Variants in WWOX observed in about 807,000 individuals in gnomAD.
The protein encoded by WWOX is WW domain-containing oxidoreductase.
A neutral mutation model predicts 46.2 loss-of-function variants in WWOX; 69 were observed. That is an observed-to-expected ratio of 1.49 (90% confidence interval 1.23 to 1.82). The LOEUF is 1.82. WWOX is among the 40% of genes most tolerant of loss of function. WWOX has a pLI of 0.00. For synonymous variants in WWOX, 359 were observed against 202.6 expected (o/e 1.77, Z -6.56); for missense variants, 919 against 542.6 (o/e 1.69, Z -6.89).
intron 8 of WWOX, among the ~76,000 whole-genome samples, chr16:78,966,808 C>T (rs1485369464): frequency 4.6e-5 from 7 of 152,064 alleles, no homozygotes; most frequent in Admixed American, 4.6e-4. Context: ...TCTACTTTGG[C>T]AGAATTACCT....
chr16:79,050,690 T>A (rs2048150063), intron 8 of WWOX, among the ~76,000 whole-genome samples: 1 of 152,024 alleles, frequency 6.6e-6, no homozygotes, highest in Non-Finnish European at 1.5e-5. Flanking sequence ...CCGTTACAAT[T>A]GAAAAAATCA....
chr16:78,402,095 C>A (rs189712288), intron 6 of WWOX, among the ~76,000 whole-genome samples: 3 of 152,204 alleles, frequency 2.0e-5, no homozygotes, highest in Non-Finnish European at 4.4e-5. Context: ...ACAATTTCAT[C>A]ACTCCAAAAA....
At chr16:78,729,902 C>G (rs569339375) in intron 8 of WWOX, among the ~76,000 whole-genome samples, 2 of 152,128 alleles carry the variant, frequency 1.3e-5, no homozygotes, top group Non-Finnish European at 1.5e-5. Flanking sequence ...TAGATTTAAA[C>G]AAGACTATGA....
At chr16:78,848,835 C>G (rs1249623775) in intron 8 of WWOX, among the ~76,000 whole-genome samples, 1 of 151,244 alleles carries the variant, frequency 6.6e-6, no homozygotes, top group African/African-American at 2.4e-5. Context: ...TTTTTTTAAC[C>G]TCCTCTGAGA....
At chr16:78,419,055 A>G (rs2082864598) in intron 6 of WWOX, among the ~76,000 whole-genome samples, 2 of 152,224 alleles carry the variant, frequency 1.3e-5, no homozygotes. Flanking sequence ...AAAATCCTAG[A>G]AAGGTACTTA....
At position 79,211,701 on chromosome 16, in the gene WWOX, C is replaced by A; in HGVS notation, c.1150C>A (p.Pro384Thr). 6.2e-7 allele frequency: 1 copy of A among 1,614,244 alleles called. No homozygotes were observed. The highest frequency in any genetic ancestry group is 8.5e-7 in the Non-Finnish European group (1 of 1,180,050). ...MYFNNCCRCMPSPEAQSEETA... is the reference protein window; with the variant it reads ...MYFNNCCRCMTSPEAQSEETA... ...CTTCAACAACTGCTGCCGCTGCATG[C>A]CCTCACCAGAAGCTCAGAGCGAAGA... The change falls in exon 9 of 9, where the codon CCC (proline) becomes ACC (threonine). Residue 384 changes from proline to threonine, a missense_variant. Transcript: ENST00000566780.
At chr16:78,114,844 C>A in intron 3 of WWOX, 132 bp from the exon 4 acceptor site, 1 of 1,120,902 alleles carries the variant, frequency 8.9e-7, no homozygotes, top group Non-Finnish European at 1.3e-6. Context: ...CAGTGGGCCC[C>A]AGTTCTTTCA....
chr16:78,137,473 C>G (rs868521750), intron 4 of WWOX, among the ~76,000 whole-genome samples: 2 of 152,010 alleles, frequency 1.3e-5, no homozygotes, highest in African/African-American at 2.4e-5. Flanking sequence ...GGTGTCTGAC[C>G]GCTTGTGTTA....
intron 8 of WWOX, among the ~76,000 whole-genome samples, chr16:78,465,957 C>T (rs535465067): frequency 2.2e-4 from 34 of 152,190 alleles, no homozygotes; most frequent in East Asian, 7.7e-4. Context: ...AGACAGAATA[C>T]GCATCGGTGG....
intron 8 of WWOX, among the ~76,000 whole-genome samples, chr16:78,751,663 A>G (rs1027996568): frequency 5.9e-5 from 9 of 151,850 alleles, no homozygotes; most frequent in African/African-American, 2.2e-4. Context: ...CAATACTCCA[A>G]GAAAGCCATT....
rs112015697 is a variant in WWOX, at chr16:78,549,247, C to T, written c.1056+116495C>T. ...TGCATGTTAATAGCTTTCCTGCCAG[C>T]CACGAATAGATTCATTCTTCACGTC... On this transcript the variant is annotated intron_variant, in intron 8 of 8. Coordinates refer to ENST00000566780, the MANE Select transcript of WWOX (RefSeq NM_016373.4). 2.7e-4 allele frequency among the ~76,000 whole-genome samples: 41 copies of T among 152,228 alleles called. 1 individual carries two copies. The highest frequency in any genetic ancestry group is 9.6e-4 in the African/African-American group (40 of 41,554).
chr16:78,544,829 C>G (rs138288064), intron 8 of WWOX, among the ~76,000 whole-genome samples: 2 of 152,052 alleles, frequency 1.3e-5, no homozygotes, highest in Non-Finnish European at 2.9e-5. Context: ...GAGCTGTGAT[C>G]GCTCCACTGC....
At chr16:78,552,431 G>A (rs2044196075) in intron 8 of WWOX, 1 of 152,222 alleles carries the variant, frequency 6.6e-6, no homozygotes, top group Non-Finnish European at 1.5e-5. Flanking sequence ...AGTTTATACA[G>A]TTTTGTAATC....
intron 8 of WWOX, among the ~76,000 whole-genome samples, chr16:79,063,103 A>C (rs1207894058): frequency 2.0e-5 from 3 of 152,142 alleles, no homozygotes; most frequent in Admixed American, 2.0e-4. Flanking sequence ...TCTCCCACCA[A>C]ATCTGGATGG....
chr16:78,291,221 T>G (rs2079852307), intron 5 of WWOX, among the ~76,000 whole-genome samples: 1 of 152,212 alleles, frequency 6.6e-6, no homozygotes, highest in Non-Finnish European at 1.5e-5. Flanking sequence ...AAATAGCAGA[T>G]AAAATATTTA....
At position 79,026,612 on chromosome 16, in the gene WWOX, C is replaced by CTT. The variant is rs1324687983; in HGVS notation, c.1057-184995_1057-184994insTT. Among the ~76,000 whole-genome samples the CTT allele has an allele frequency of 3.1e-3, 381 of 123,296 alleles. 3 individuals are homozygous for CTT. Among genetic ancestry groups the CTT allele is most frequent in the African/African-American group, 0.011 (340 of 31,040 alleles). 80.9% of individuals were successfully genotyped at this position (123,296 alleles called of 152,430 possible). A position where few individuals can be genotyped will look rare whatever the true frequency, so the allele number is the denominator to read the frequency against. ...AACACAGAGCCTGGCATGTGGTAGA[C>CTT]TCTTTTTTTTTTTTTTTTTTTTTGA... is the stretch of plus-strand genomic sequence containing the variant. On this transcript the variant is annotated intron_variant, in intron 8 of 8. Coordinates refer to ENST00000566780, the MANE Select transcript of WWOX (RefSeq NM_016373.4).
At chr16:79,040,254 C>T (rs554382603) in intron 8 of WWOX, among the ~76,000 whole-genome samples, 147 of 150,036 alleles carry the variant, frequency 9.8e-4, no homozygotes, top group Non-Finnish European at 1.8e-3. Flanking sequence ...AGGTACATTT[C>T]AGTTCATTCT....
chr16:79,038,317 A>C (rs1567506460), intron 8 of WWOX, among the ~76,000 whole-genome samples: 1 of 152,314 alleles, frequency 6.6e-6, no homozygotes, highest in South Asian at 2.1e-4. Context: ...ATAAACAGTG[A>C]TTTTAATGAA....
intron 5 of WWOX, among the ~76,000 whole-genome samples, chr16:78,328,097 C>T (rs1419816697): frequency 6.6e-6 from 1 of 151,980 alleles, no homozygotes; most frequent in East Asian, 1.9e-4. Context: ...TGGTCTTGAA[C>T]TCCTGGCCTC....
Sources: gnomAD v4.1 joint callset for allele counts (sites outside exome capture counted in the v4.1 genomes callset) on GRCh38, gnomAD v4.1.1 for gene constraint, MANE v1.5 for transcripts, NCBI Gene and HGNC (gene_info 2026-07-23, HGNC 2026-07-21) for gene names.